WDR70: variants seen among roughly 807,000 people sequenced by gnomAD.
The protein encoded by WDR70 is WD repeat-containing protein 70.
WDR70 carries 53 observed loss-of-function variants against 88.6 expected under a neutral mutation model. The ratio of observed to expected loss-of-function variants is 0.60; its 90% CI spans 0.48 to 0.75. The LOEUF is 0.75. Ranked by LOEUF, WDR70 falls within the 30% of genes least tolerant of loss-of-function variation. The pLI, the probability that WDR70 is intolerant of heterozygous loss-of-function variation, is 0.00. For synonymous variants in WDR70, 280 were observed against 270.0 expected (o/e 1.04, Z -0.36); for missense variants, 610 against 823.2 (o/e 0.74, Z 3.17).
intron 10 of WDR70, among the ~76,000 whole-genome samples, chr5:37,609,317 T>A (rs890923109): frequency 6.6e-6 from 1 of 152,228 alleles, no homozygotes. Context: ...TAATTCAGCA[T>A]GTATAGTCTT....
At chr5:37,739,367 G>C (rs898290362) in intron 17 of WDR70, among the ~76,000 whole-genome samples, 1 of 152,130 alleles carries the variant, frequency 6.6e-6, no homozygotes. Context: ...CCCTTTATAG[G>C]CTTTTGCTTT....
At chr5:37,512,241 G>C (rs762845183) in intron 8 of WDR70, among the ~76,000 whole-genome samples, 2 of 149,154 alleles carry the variant, frequency 1.3e-5, no homozygotes, top group Non-Finnish European at 3.0e-5. Flanking sequence ...TTTTTTTCTT[G>C]AAACAGGGTC....
Position 37,633,937 on chromosome 5 carries a change from T to G in WDR70, c.1092+28699T>G, listed in dbSNP as rs144104464. ...GCCAGTTTGTGTGGAGTTCCCCATTTATAAAGATAGACTTGGACCAAGTGA... is the reference window on the plus strand; with the variant it reads ...GCCAGTTTGTGTGGAGTTCCCCATTGATAAAGATAGACTTGGACCAAGTGA... On this transcript the variant is annotated intron_variant, in intron 10 of 17. Coordinates refer to ENST00000265107, the MANE Select transcript of WDR70 (RefSeq NM_018034.4). Among the ~76,000 whole-genome samples the G allele has an allele frequency of 4.9e-3, 742 of 152,288 alleles. 4 individuals carry two copies. Among genetic ancestry groups the G allele is most frequent in the Non-Finnish European group, 8.9e-3 (608 of 68,032 alleles).
chr5:37,538,493 G>T (rs552051472), intron 9 of WDR70, among the ~76,000 whole-genome samples: 4 of 152,164 alleles, frequency 2.6e-5, no homozygotes, highest in African/African-American at 4.8e-5. Context: ...GATGCAGTTG[G>T]GGGGAGGATT....
intron 9 of WDR70, among the ~76,000 whole-genome samples, chr5:37,524,182 A>G (rs1434841562): frequency 6.6e-6 from 1 of 152,218 alleles, no homozygotes; most frequent in African/African-American, 2.4e-5. Flanking sequence ...TAATTGTCAG[A>G]TTCACCAAAG....
intron 17 of WDR70, among the ~76,000 whole-genome samples, chr5:37,749,381 A>G (rs1581548019): frequency 6.6e-6 from 1 of 152,288 alleles, no homozygotes. Context: ...GTTCTCACTC[A>G]TAAGTGGGAG....
intron 8 of WDR70, among the ~76,000 whole-genome samples, chr5:37,486,346 A>G (rs1423895013): frequency 6.8e-6 from 1 of 146,058 alleles, no homozygotes; most frequent in Admixed American, 6.8e-5. Context: ...TTCAAATATA[A>G]TTTTTTTTTT....
At chr5:37,450,135 T>A (rs1291334659) in intron 7 of WDR70, among the ~76,000 whole-genome samples, 1 of 152,224 alleles carries the variant, frequency 6.6e-6, no homozygotes, top group African/African-American at 2.4e-5. Context: ...ATTTTCTTTA[T>A]CCAGTCTATC....
chr5:37,713,986 G>A (rs1161936762), intron 13 of WDR70, among the ~76,000 whole-genome samples: 2 of 152,166 alleles, frequency 1.3e-5, no homozygotes, highest in Admixed American at 6.5e-5. Context: ...AATGCATCCC[G>A]GGATAGTATT....
At chr5:37,554,678 GCACA>G (rs3068425) in intron 9 of WDR70, among the ~76,000 whole-genome samples, 89 of 147,756 alleles carry the variant, frequency 6.0e-4, no homozygotes, top group East Asian at 8.1e-4. Context: ...GCACCTGCAC[GCACA>G]CACACACACA....
chr5:37,617,214 A>G (rs1744370022), intron 10 of WDR70, among the ~76,000 whole-genome samples: 2 of 152,220 alleles, frequency 1.3e-5, no homozygotes, highest in African/African-American at 2.4e-5. Context: ...CAACTCGCCC[A>G]AGGCCATGCA....
At chr5:37,583,248 A>T (rs1743270373) in intron 9 of WDR70, among the ~76,000 whole-genome samples, 2 of 152,110 alleles carry the variant, frequency 1.3e-5, no homozygotes, top group Non-Finnish European at 2.9e-5. Flanking sequence ...AACACCGTGA[A>T]ACCCCTTCTC....
intron 5 of WDR70, among the ~76,000 whole-genome samples, chr5:37,404,175 T>C (rs1036716006): frequency 1.2e-4 from 19 of 152,228 alleles, no homozygotes; most frequent in African/African-American, 4.1e-4. Context: ...GCAATTTGTA[T>C]TATTTATAAT....
intron 9 of WDR70, among the ~76,000 whole-genome samples, chr5:37,532,179 C>T (rs1581372520): frequency 6.6e-6 from 1 of 152,198 alleles, no homozygotes; most frequent in African/African-American, 2.4e-5. Context: ...TTTTGTCTCA[C>T]AGCTCTGAAG....
At position 37,470,912 on chromosome 5, in the gene WDR70, G is replaced by A. The variant is rs548729251; in HGVS notation, c.687-8922G>A. ...ACTTCTTTTTTTTTTTTTTGAGACC[G>A]AGTCTCACTCTGTTGCCCAGGCTGG... On this transcript the variant is annotated intron_variant, in intron 7 of 17. Coordinates refer to ENST00000265107, the MANE Select transcript of WDR70 (RefSeq NM_018034.4). Among the ~76,000 whole-genome samples, 11 of 148,794 alleles carry A rather than the reference G, an allele frequency of 7.4e-5. No homozygotes were observed. In the South Asian group the frequency reaches 1.3e-3, roughly 17 times the overall value.
intron 7 of WDR70, among the ~76,000 whole-genome samples, chr5:37,467,672 G>T (rs1739198906): frequency 6.6e-6 from 1 of 151,736 alleles, no homozygotes; most frequent in East Asian, 1.9e-4. Context: ...CAGTAGCTGG[G>T]ACTAAGGTGC....
chr5:37,543,271 A>G lies in WDR70; in HGVS notation c.917+26681A>G, dbSNP rs73061742. Among the ~76,000 whole-genome samples, 1,121 of 152,304 alleles carry G rather than the reference A, an allele frequency of 7.4e-3. 17 individuals carry two copies. The highest frequency in any genetic ancestry group is 0.025 in the African/African-American group (1,055 of 41,560). ...GTGTAAGCAATGATATATGATGGTT[A>G]TGTTAAGCTATTGAATTTTGGGAAT... On this transcript the variant is annotated intron_variant, in intron 9 of 17. Coordinates refer to ENST00000265107, the MANE Select transcript of WDR70 (RefSeq NM_018034.4).
chr5:37,487,596 TATAA>T (rs1355401104), intron 8 of WDR70, among the ~76,000 whole-genome samples: 11 of 24,060 alleles, frequency 4.6e-4, no homozygotes, highest in African/African-American at 7.9e-4. Flanking sequence ...GGTATGTATA[TATAA>T]ATATATATAT....
chr5:37,492,604 G>A (rs773629564), intron 8 of WDR70, among the ~76,000 whole-genome samples: 16 of 152,330 alleles, frequency 1.1e-4, no homozygotes, highest in South Asian at 8.3e-4. Flanking sequence ...CTAAGTGTAG[G>A]AGGGACTTGA....
Sources: allele counts gnomAD v4.1 joint callset (sites outside exome capture counted in the v4.1 genomes callset), GRCh38; gene constraint gnomAD v4.1.1; transcripts MANE v1.5; gene names NCBI Gene and HGNC (gene_info 2026-07-23, HGNC 2026-07-21).